PFKL: variants seen among roughly 807,000 people sequenced by gnomAD.
PFKL encodes the protein phosphofructokinase, liver type, also known as ATP-dependent 6-phosphofructokinase, liver type.
A neutral mutation model predicts 92.1 loss-of-function variants in PFKL; 74 were observed. The observed-to-expected ratio is 0.80, with a 90% confidence interval of 0.67 to 0.97. PFKL has a LOEUF of 0.97. Among genes scored for constraint, PFKL ranks in the 50% least tolerant of loss-of-function variants. PFKL has a pLI of 0.00. For missense variants in PFKL, 1,028 were observed against 1,116.6 expected, an observed-to-expected ratio of 0.92 and a Z score of 1.13; for synonymous variants, 494 against 456.4, an observed-to-expected ratio of 1.08 and a Z score of -1.05.
intron 9 of PFKL, among the ~76,000 whole-genome samples, chr21:44,317,063 C>T (rs2047228525): frequency 6.6e-6 from 1 of 152,216 alleles, no homozygotes; most frequent in Admixed American, 6.5e-5. Context: ...CTGGCCTGGC[C>T]TCGCCGTCCT....
At chr21:44,309,282 A>T (rs1020616868) in intron 2 of PFKL, among the ~76,000 whole-genome samples, 3 of 152,060 alleles carry the variant, frequency 2.0e-5, no homozygotes, top group Non-Finnish European at 2.9e-5. Flanking sequence ...CAGTTCTGAC[A>T]CAAAGGAGGG....
In PFKL at chr21:44,313,571, C is replaced by T. The variant is rs942121744; in HGVS notation, c.594-67C>T. 4.2e-5 allele frequency: 64 copies of T among 1,510,628 alleles called. No individual in the cohort carries two copies. The Admixed American group carries it at 5.2e-4, about 12-fold the overall frequency. 93.6% of individuals were successfully genotyped at this position (1,510,628 alleles called of 1,614,324 possible). A position where few individuals can be genotyped will look rare whatever the true frequency, so the allele number is the denominator to read the frequency against. ...CATCCACTGGGTCCCTTGAGCACCC[C>T]GCAGGGAATCGGGCTGGCAGGGCCG... On this transcript the variant is annotated intron_variant, in intron 5 of 21. Transcript: ENST00000349048.
intron 7 of PFKL, chr21:44,314,230 A>T (rs938990581): frequency 1.2e-5 from 7 of 575,134 alleles, no homozygotes; most frequent in Non-Finnish European, 2.2e-5. Flanking sequence ...CCCAGTGGGC[A>T]GGAGGCGGAG....
chr21:44,300,134 G>T lies in PFKL; in HGVS notation c.29G>T (p.Arg10Leu). The T allele has an allele frequency of 8.4e-7, 1 of 1,189,948 alleles. No individual in the cohort carries two copies. Among genetic ancestry groups the T allele is most frequent in the Non-Finnish European group, 1.1e-6 (1 of 944,570 alleles). The allele number at this position is 1,189,948 out of a possible 1,614,324, so 73.7% of individuals were successfully genotyped here. The change falls in exon 1 of 22, where the codon CGG becomes CTG. Residue 10 changes from arginine to leucine, a missense_variant. Transcript: ENST00000349048. ...GCCGCGGTGGACCTGGAGAAGCTGC[G>T]GGCGTCGGGCGCGGGCAAGGCCATC... is the stretch of plus-strand genomic sequence containing the variant. MAAVDLEKL[R>L]ASGAGKAIGV...
chr21:44,324,045 TGGGGCACAGGCCCGGGTGAA>T, intron 16 of PFKL, 127 bp downstream of exon 16: 1 of 1,096,292 alleles, frequency 9.1e-7, no homozygotes, highest in Non-Finnish European at 1.3e-6. Context: ...TTGGGGTTTG[TGGGGCACAGGCCCGGGTGAA>T]GGGGCTCAGC....
rs566827813 is a variant in PFKL at position 44,305,930 on chromosome 21, T to C, written c.86-751T>C. The C allele has an allele frequency of 4.8e-5, 66 of 1,361,340 alleles. No homozygotes were observed. The East Asian group carries it at 2.5e-3, about 51-fold the overall frequency. 84.3% of individuals were successfully genotyped at this position (1,361,340 alleles called of 1,614,324 possible). On this transcript the variant is annotated intron_variant, in intron 1 of 21. Coordinates refer to ENST00000349048, the MANE Select transcript of PFKL (RefSeq NM_002626.6). ...GGTGGCACCAGCATCATGTCCAGGC[T>C]GGGGGGTGAGGGTCCCTGAGGCCCT...
chr21:44,312,761 A>C (rs2047084566), intron 4 of PFKL, among the ~76,000 whole-genome samples: 3 of 152,154 alleles, frequency 2.0e-5, no homozygotes, highest in Admixed American at 6.5e-5. Context: ...GCCGCTCTGC[A>C]AGGCACCCCA....
intron 2 of PFKL, among the ~76,000 whole-genome samples, chr21:44,310,666 AG>A (rs971246097): frequency 6.6e-6 from 1 of 152,176 alleles, no homozygotes; most frequent in African/African-American, 2.4e-5. Flanking sequence ...ATGCACCCTC[AG>A]GAGCTGGATG....
At chr21:44,322,270 G>T (rs2047377674) in intron 14 of PFKL, 67 bp downstream of exon 14, 13 of 1,474,606 alleles carry the variant, frequency 8.8e-6, no homozygotes, top group South Asian at 1.2e-5. Flanking sequence ...CCCTGCAGGT[G>T]GGGGCGGCAA....
chr21:44,315,695 G>T (rs2146475923), intron 7 of PFKL: 1 of 156,178 alleles, frequency 6.4e-6, no homozygotes, highest in East Asian at 1.9e-4. Context: ...CTGGCAGAGG[G>T]GATGGTGTGT....
intron 1 of PFKL, among the ~76,000 whole-genome samples, chr21:44,300,438 C>T (rs937206451): frequency 3.9e-5 from 6 of 152,142 alleles, no homozygotes; most frequent in African/African-American, 1.4e-4. Flanking sequence ...GCGCCCTGCC[C>T]CGGGGGTGTG....
In PFKL at chr21:44,306,751, C is replaced by T. The variant is rs531863342; in HGVS notation, c.156C>T (p.Tyr52=). 28 of 1,613,504 alleles carry T rather than the reference C, an allele frequency of 1.7e-5. No homozygotes were observed. The East Asian group carries it at 2.5e-4, about 14-fold the overall frequency. ...IYVGAKVFLI[Y]EGYEGLVEGG... is the part of the protein sequence containing the mutation. Reference sequence around the variant, plus strand: ...TGGGTGCCAAAGTCTTCCTCATCTACGAGGTAAGGCCAAGGTGGGCTGTGT... The same window carrying T: ...TGGGTGCCAAAGTCTTCCTCATCTATGAGGTAAGGCCAAGGTGGGCTGTGT... The change falls in exon 2 of 22, where the codon TAC becomes TAT. Residue 52 remains tyrosine (Y), a synonymous_variant. Transcript: ENST00000349048.
chr21:44,305,078 C>G, intron 1 of PFKL: 1 of 383,236 alleles, frequency 2.6e-6, no homozygotes, highest in Non-Finnish European at 4.7e-6. Flanking sequence ...GGGGAGAGGG[C>G]CACCTACTGA....
intron 2 of PFKL, 50 bp from the exon 3 acceptor site, chr21:44,310,956 C>T (rs570931939): frequency 5.6e-5 from 80 of 1,417,404 alleles, no homozygotes; most frequent in Non-Finnish European, 7.6e-5. Flanking sequence ...CACTTGCTGC[C>T]GGCCGCCATG....
At chr21:44,324,820 A>G (rs768916255) in intron 17 of PFKL, 36 bp from the exon 18 acceptor site, 10 of 1,598,322 alleles carry the variant, frequency 6.3e-6, no homozygotes, top group South Asian at 1.1e-5. Context: ...CCCTCCCCAC[A>G]GTCCTCCGGC....
chr21:44,318,666 C>T, intron 10 of PFKL, 71 bp downstream of exon 10: 2 of 1,339,214 alleles, frequency 1.5e-6, no homozygotes, highest in Non-Finnish European at 2.0e-6. Context: ...GGCCCCACTG[C>T]TCTCTGGGGG....
At chr21:44,325,625 C>G (rs894716603) in intron 19 of PFKL, 1 of 484,520 alleles carries the variant, frequency 2.1e-6, no homozygotes, top group African/African-American at 1.9e-5. Flanking sequence ...GTTTTCTGAG[C>G]CAGGGAGGGG....
chr21:44,300,387 C>T (rs1181482342), intron 1 of PFKL, among the ~76,000 whole-genome samples, 197 bp downstream of exon 1: 1 of 152,010 alleles, frequency 6.6e-6, no homozygotes, highest in South Asian at 2.1e-4. Flanking sequence ...TACGTGCGGC[C>T]GGCCACGTTC....
chr21:44,300,222 AG>A, intron 1 of PFKL, 32 bp downstream of exon 1: 2 of 992,586 alleles, frequency 2.0e-6, no homozygotes, highest in Non-Finnish European at 2.4e-6. Context: ...GTCGCGGCGC[AG>A]GGGGTGGAGG....
Sources: gnomAD v4.1 joint callset for allele counts (sites outside exome capture counted in the v4.1 genomes callset) on GRCh38, gnomAD v4.1.1 for gene constraint, MANE v1.5 for transcripts, NCBI Gene and HGNC (gene_info 2026-07-23, HGNC 2026-07-21) for gene names.